The following BMPER variants were observed in gnomAD, a reference collection of about 807,000 sequenced individuals.
BMPER encodes the protein BMP-binding endothelial regulator protein.
In BMPER, 45 loss-of-function variants were observed where a neutral mutation model predicts 87.3. The observed-to-expected ratio is 0.52, with a 90% CI of 0.41 to 0.66. The LOEUF is 0.66. Ranked by LOEUF, BMPER falls within the 30% of genes least tolerant of loss-of-function variation. The pLI, the probability that BMPER is intolerant of heterozygous loss-of-function variation, is 0.00. For missense variants in BMPER, 784 were observed against 867.5 expected (o/e 0.90, Z 1.21); for synonymous variants, 326 against 316.2 (o/e 1.03, Z -0.33).
At chr7:33,945,218 G>A (rs749586608) in intron 3 of BMPER, among the ~76,000 whole-genome samples, 1 of 149,270 alleles carries the variant, frequency 6.7e-6, no homozygotes, top group Non-Finnish European at 1.5e-5. Context: ...TGGGATTACA[G>A]GCCTGAGCCA....
intron 8 of BMPER, among the ~76,000 whole-genome samples, chr7:34,053,620 A>G (rs1266497580): frequency 6.6e-6 from 1 of 152,234 alleles, no homozygotes; most frequent in Admixed American, 6.5e-5. Context: ...GAGAAAAGAA[A>G]ATGTTATTTA....
intron 2 of BMPER, among the ~76,000 whole-genome samples, chr7:33,907,144 G>T (rs905988287): frequency 2.6e-5 from 4 of 151,994 alleles, no homozygotes; most frequent in Admixed American, 2.0e-4. Flanking sequence ...GTAAATTTCA[G>T]ATAGGCTTTG....
chr7:34,137,130 TA>T (rs1478073484), intron 13 of BMPER, among the ~76,000 whole-genome samples: 1 of 152,266 alleles, frequency 6.6e-6, no homozygotes, highest in Non-Finnish European at 1.5e-5. Flanking sequence ...ATATGTGCTT[TA>T]TTGAAAATGT....
intron 6 of BMPER, among the ~76,000 whole-genome samples, chr7:34,040,981 T>C (rs1264349767): frequency 6.6e-6 from 1 of 152,126 alleles, no homozygotes; most frequent in Non-Finnish European, 1.5e-5. Context: ...AAAGCAGACA[T>C]AAAGCTACAA....
chr7:33,905,545 G>A lies in BMPER; in HGVS notation c.-69G>A. ...CCGGCTGAGAGCCCTTTTCGACTGT[G>A]AGCTGCGGCAGCTGAGCAGAGGCGG... On this transcript the variant is annotated 5_prime_UTR_variant, in exon 1 of 15. Transcript: ENST00000649409. 5 of 1,592,728 alleles carry A rather than the reference G, an allele frequency of 3.1e-6. No homozygotes were observed. The highest frequency in any genetic ancestry group is 1.7e-6 in the Non-Finnish European group (2 of 1,175,390).
chr7:34,028,602 T>TTTTTTTG (rs1787433605), intron 6 of BMPER, among the ~76,000 whole-genome samples: 2 of 23,484 alleles, frequency 8.5e-5, no homozygotes, highest in Non-Finnish European at 1.9e-4. Flanking sequence ...ATTTTTTCTG[T>TTTTTTTG]TTTTTTTTTT....
intron 13 of BMPER, among the ~76,000 whole-genome samples, chr7:34,138,589 G>A (rs1407438772): frequency 6.6e-6 from 1 of 152,198 alleles, no homozygotes; most frequent in Non-Finnish European, 1.5e-5. Context: ...CAGGAGTGGG[G>A]CAGATGAATC....
At chr7:34,130,701 G>A (rs1001941590) in intron 13 of BMPER, among the ~76,000 whole-genome samples, 1 of 152,180 alleles carries the variant, frequency 6.6e-6, no homozygotes, top group African/African-American at 2.4e-5. Flanking sequence ...TAGTTGCAGG[G>A]TGTGATAAGG....
intron 2 of BMPER, among the ~76,000 whole-genome samples, chr7:33,916,376 G>A (rs914502745): frequency 1.3e-5 from 2 of 152,212 alleles, no homozygotes; most frequent in African/African-American, 4.8e-5. Context: ...GGAAGTGGCA[G>A]GTAGGAGGCA....
At chr7:33,989,643 C>T (rs62449718) in intron 6 of BMPER, among the ~76,000 whole-genome samples, 23 of 152,060 alleles carry the variant, frequency 1.5e-4, no homozygotes, top group Admixed American at 2.6e-4. Context: ...GTCAATTTTG[C>T]CTTTTGTTGC....
In BMPER at chr7:33,946,218, G is replaced by A. The variant is rs1452058774; in HGVS notation, c.319+8830G>A. ...AGATCTCGTGAGAACTCACTATCAT[G>A]AGAACAGCATGGGGGAAACTGCCCC... On this transcript the variant is annotated intron_variant, in intron 3 of 14. Coordinates refer to ENST00000649409, the MANE Select transcript of BMPER (RefSeq NM_001365308.1). Among the ~76,000 whole-genome samples the A allele has an allele frequency of 3.3e-5, 5 of 152,262 alleles. No homozygotes were observed. In the East Asian group the frequency reaches 9.7e-4, roughly 30 times the overall value.
chr7:33,912,172 G>T (rs556724301), intron 2 of BMPER, among the ~76,000 whole-genome samples: 1 of 152,252 alleles, frequency 6.6e-6, no homozygotes, highest in Non-Finnish European at 1.5e-5. Flanking sequence ...TGGAAGAGGG[G>T]CCTGCTTTCT....
At chr7:33,981,167 C>A (rs1006662629) in intron 6 of BMPER, among the ~76,000 whole-genome samples, 3 of 152,170 alleles carry the variant, frequency 2.0e-5, no homozygotes, top group Non-Finnish European at 2.9e-5. Context: ...CCACCAGCAA[C>A]GTGGACCTCA....
At chr7:34,148,785 C>T (rs1791095228) in intron 14 of BMPER, among the ~76,000 whole-genome samples, 1 of 152,038 alleles carries the variant, frequency 6.6e-6, no homozygotes, top group Non-Finnish European at 1.5e-5. Flanking sequence ...GACTTCATAG[C>T]TATAGAATAG....
chr7:34,137,971 T>A (rs940721167), intron 13 of BMPER, among the ~76,000 whole-genome samples: 24 of 152,204 alleles, frequency 1.6e-4, no homozygotes, highest in Non-Finnish European at 1.6e-4. Context: ...CTGGCGCTAA[T>A]GGAGCTGCAC....
intron 13 of BMPER, among the ~76,000 whole-genome samples, chr7:34,119,014 T>TCTCACACACACACACACACACACA (rs66493349): frequency 0.032 from 4,362 of 135,540 alleles, 124 homozygotes; most frequent in Non-Finnish European, 0.046. Context: ...TCTCTCTCTC[T>TCTCACACACACACACACACACACA]CACACACACA....
chr7:33,955,321 CCA>C (rs1479912701), intron 3 of BMPER, among the ~76,000 whole-genome samples: 2 of 152,202 alleles, frequency 1.3e-5, no homozygotes, highest in Non-Finnish European at 2.9e-5. Flanking sequence ...GCAGAGGCAG[CCA>C]CACAGACTTC....
At chr7:34,152,788 T>G (rs1487191959) in intron 14 of BMPER, among the ~76,000 whole-genome samples, 13 of 152,216 alleles carry the variant, frequency 8.5e-5, no homozygotes, top group Non-Finnish European at 1.8e-4. Context: ...ATTTAGTTAT[T>G]TGTACAATAA....
intron 1 of BMPER, 133 bp from the exon 2 acceptor site, chr7:33,906,685 A>G (rs1562622244): frequency 3.8e-6 from 3 of 794,648 alleles, no homozygotes; most frequent in Non-Finnish European, 6.3e-6. Flanking sequence ...GGTGAATTTA[A>G]TAATTTAAAC....
Sources: gnomAD v4.1 joint callset for allele counts (sites outside exome capture counted in the v4.1 genomes callset) on GRCh38, gnomAD v4.1.1 for gene constraint, MANE v1.5 for transcripts, NCBI Gene and HGNC (gene_info 2026-07-23, HGNC 2026-07-21) for gene names.